The following PROM1 variants were observed in gnomAD, a reference collection of about 807,000 sequenced individuals.
PROM1 encodes prominin-1.
Under a neutral mutation model 116.9 loss-of-function variants are expected in PROM1, and 105 were observed. The observed-to-expected ratio is 0.90, with a 90% CI of 0.77 to 1.06. PROM1 has a LOEUF of 1.06. PROM1 is among the 50% of genes least tolerant of loss of function. The probability of loss-of-function intolerance (pLI) is 0.00; values close to 1 mark genes in which losing one functional copy is unlikely to be tolerated. For synonymous variants in PROM1, 393 were observed against 387.0 expected, an observed-to-expected ratio of 1.02 and a Z score of -0.18; for missense variants, 1,122 against 1,045.2, an observed-to-expected ratio of 1.07 and a Z score of -1.01.
intron 26 of PROM1, among the ~76,000 whole-genome samples, chr4:15,973,846 C>T (rs574659369): frequency 3.1e-4 from 47 of 152,250 alleles, no homozygotes; most frequent in African/African-American, 9.9e-4. Flanking sequence ...GCATGGCCTA[C>T]ACGTCCCTGA....
Position 16,076,081 on chromosome 4 carries a change from A to C in PROM1, c.-175T>G. ...GGCTTGAGGCGAGGGATGCGGAAGA[A>C]TGTTCTCCAAGGGGGTCATTCACTC... On this transcript the variant is annotated 5_prime_UTR_variant, in exon 2 of 28. Transcript: ENST00000447510. The C allele has an allele frequency of 7.5e-7, 1 of 1,331,502 alleles. No homozygotes were observed. Among genetic ancestry groups the C allele is most frequent in the South Asian group, 1.7e-5 (1 of 60,366 alleles). The allele number at this position is 1,331,502 out of a possible 1,614,324, so 82.5% of individuals were successfully genotyped here. A position where few individuals can be genotyped will look rare whatever the true frequency, so the allele number is the denominator to read the frequency against.
intron 4 of PROM1, among the ~76,000 whole-genome samples, chr4:16,035,427 T>C (rs567029328): frequency 3.5e-4 from 54 of 152,344 alleles, no homozygotes; most frequent in African/African-American, 1.3e-3. Context: ...CTAATGTTAC[T>C]GACTAAATAT....
intron 26 of PROM1, among the ~76,000 whole-genome samples, chr4:15,976,593 G>T (rs529351740): frequency 2.6e-5 from 4 of 152,356 alleles, no homozygotes; most frequent in Non-Finnish European, 5.9e-5. Flanking sequence ...TGAAGCTGGG[G>T]ATTAGCCAGA....
chr4:16,015,391 T>TTAAAAAAC (rs1728093924), intron 10 of PROM1, among the ~76,000 whole-genome samples: 2 of 137,484 alleles, frequency 1.5e-5, no homozygotes, highest in Admixed American at 7.4e-5. Flanking sequence ...TATATGAAGC[T>TTAAAAAAC]TAAAAAACTA....
At position 16,025,319 on chromosome 4, in the gene PROM1, GA is replaced by G; in HGVS notation, c.510-8del. On this transcript the variant is annotated splice_polypyrimidine_tract_variant and splice_region_variant and intron_variant, in intron 5 of 27. Coordinates refer to ENST00000447510, the MANE Select transcript of PROM1 (RefSeq NM_006017.3). ...ACCATAGAAGATGCCAATGCTGCAG[GA>G]AAAGGCAGAGAGAAGAAAGAGCATT... is the stretch of plus-strand genomic sequence containing the variant. 1 of 1,613,496 alleles carries G rather than the reference GA, an allele frequency of 6.2e-7. No individual in the cohort carries two copies. Among genetic ancestry groups the G allele is most frequent in the Non-Finnish European group, 8.5e-7 (1 of 1,179,536 alleles).
rs1342898968 is a variant in PROM1, at chr4:15,998,495, C to T, written c.1579-7G>A. Reference sequence around the variant, plus strand: ...AGTAGGGTGTATCCAAAACCTAGAACACATTAGGAAGTATTTTCGAAAAAT... The same window carrying T: ...AGTAGGGTGTATCCAAAACCTAGAATACATTAGGAAGTATTTTCGAAAAAT... On this transcript the variant is annotated splice_polypyrimidine_tract_variant and splice_region_variant and intron_variant, in intron 14 of 27. Coordinates refer to ENST00000447510, the MANE Select transcript of PROM1 (RefSeq NM_006017.3). 3.8e-6 allele frequency: 6 copies of T among 1,591,046 alleles called. No individual in the cohort carries two copies. The highest frequency in any genetic ancestry group is 5.1e-6 in the Non-Finnish European group (6 of 1,171,776).
chr4:16,032,496 T>G (rs1288795995), intron 5 of PROM1, among the ~76,000 whole-genome samples: 1 of 152,214 alleles, frequency 6.6e-6, no homozygotes, highest in Non-Finnish European at 1.5e-5. Context: ...ACAAAGAGAA[T>G]GCTGTTGGCC....
At chr4:16,002,116 G>A (rs1052889583) in intron 13 of PROM1, among the ~76,000 whole-genome samples, 1 of 152,104 alleles carries the variant, frequency 6.6e-6, no homozygotes, top group African/African-American at 2.4e-5. Flanking sequence ...TGAGAAGAAG[G>A]AGGTAAAGCC....
intron 2 of PROM1, among the ~76,000 whole-genome samples, chr4:16,049,561 G>A (rs1737365106): frequency 6.6e-6 from 1 of 152,002 alleles, no homozygotes; most frequent in Admixed American, 6.5e-5. Context: ...AGTTAAAAAT[G>A]CTGGTTCCTG....
Position 15,990,680 on chromosome 4 carries a change from C to A in PROM1, c.1983+542G>T, listed in dbSNP as rs140362118. ...GATAGAAGGCAGGTGGGACTCCGGACCAGACTGAAGACTGGCGGAAACCAG... is the reference window on the plus strand; with the variant it reads ...GATAGAAGGCAGGTGGGACTCCGGAACAGACTGAAGACTGGCGGAAACCAG... On this transcript the variant is annotated intron_variant, in intron 18 of 27. Transcript: ENST00000447510. 8.9e-3 allele frequency among the ~76,000 whole-genome samples: 1,358 copies of A among 152,260 alleles called. 16 individuals are homozygous for A. Among genetic ancestry groups the A allele is most frequent in the African/African-American group, 0.031 (1,298 of 41,530 alleles).
At chr4:15,992,461 G>T in intron 16 of PROM1, 70 bp from the exon 17 acceptor site, 1 of 1,533,496 alleles carries the variant, frequency 6.5e-7, no homozygotes, top group Admixed American at 1.9e-5. Flanking sequence ...TGCTTTAAAA[G>T]AGCAATAAAA....
At chr4:16,069,966 T>A (rs1280153456) in intron 2 of PROM1, among the ~76,000 whole-genome samples, 1 of 152,232 alleles carries the variant, frequency 6.6e-6, no homozygotes, top group East Asian at 1.9e-4. Context: ...CCACCTGCGA[T>A]TGGCTGAAAC....
At chr4:16,027,062 G>A (rs575121240) in intron 5 of PROM1, among the ~76,000 whole-genome samples, 3 of 152,142 alleles carry the variant, frequency 2.0e-5, no homozygotes, top group Admixed American at 6.6e-5. Context: ...GAGTAGTACT[G>A]GATGTACACG....
intron 26 of PROM1, among the ~76,000 whole-genome samples, chr4:15,973,399 A>G (rs978271319): frequency 2.0e-5 from 3 of 152,190 alleles, no homozygotes; most frequent in African/African-American, 4.8e-5. Context: ...GTGAGCTGAG[A>G]TCACACCACT....
chr4:16,061,863 CTG>C (rs761827553), intron 2 of PROM1, among the ~76,000 whole-genome samples: 2 of 150,782 alleles, frequency 1.3e-5, no homozygotes, highest in Non-Finnish European at 1.5e-5. Context: ...GGCATTCTCC[CTG>C]TGTGTGTGTG....
chr4:16,034,762 A>G (rs528599079), intron 4 of PROM1, among the ~76,000 whole-genome samples: 3 of 152,344 alleles, frequency 2.0e-5, no homozygotes, highest in African/African-American at 7.2e-5. Context: ...AAGGAAAATA[A>G]AACACGAGTC....
chr4:16,025,806 G>A (rs1731132778), intron 5 of PROM1, among the ~76,000 whole-genome samples: 1 of 152,166 alleles, frequency 6.6e-6, no homozygotes, highest in African/African-American at 2.4e-5. Context: ...GAGTACTTGG[G>A]CTTCTAAGGC....
rs991178469 is a variant in PROM1 at position 15,990,517 on chromosome 4, C to T, written c.1984-693G>A. 1.2e-4 allele frequency among the ~76,000 whole-genome samples: 19 copies of T among 152,194 alleles called. 1 individual carries two copies. The highest frequency in any genetic ancestry group is 1.1e-3 in the Admixed American group (17 of 15,290). ...ACAGCCCCAGGTACTATTCCCTACA[C>T]AGCAGGAAAACAACCTGTGTGCATG... is the stretch of plus-strand genomic sequence containing the variant. On this transcript the variant is annotated intron_variant, in intron 18 of 27. Coordinates refer to ENST00000447510, the MANE Select transcript of PROM1 (RefSeq NM_006017.3).
rs541436263 is a variant in PROM1 at position 16,033,960 on chromosome 4, A to T, written c.304-451T>A. Reference sequence around the variant, plus strand: ...CCATTTTGAAACTCCTTTTTGAAACAGAGGAAGCAGAGAATTGAGTAATTA... The same window carrying T: ...CCATTTTGAAACTCCTTTTTGAAACTGAGGAAGCAGAGAATTGAGTAATTA... On this transcript the variant is annotated intron_variant, in intron 4 of 27. Coordinates refer to ENST00000447510, the MANE Select transcript of PROM1 (RefSeq NM_006017.3). Among the ~76,000 whole-genome samples, 3 of 152,180 alleles carry T rather than the reference A, an allele frequency of 2.0e-5. No individual in the cohort carries two copies. The East Asian group carries it at 5.8e-4, about 29-fold the overall frequency.
Sources: allele counts gnomAD v4.1 joint callset (sites outside exome capture counted in the v4.1 genomes callset), GRCh38; gene constraint gnomAD v4.1.1; transcripts MANE v1.5; gene names NCBI Gene and HGNC (gene_info 2026-07-23, HGNC 2026-07-21).